The following COL25A1 variants were observed in gnomAD, a reference collection of about 807,000 sequenced individuals.
The protein encoded by COL25A1 is collagen type XXV alpha 1 chain, also known as collagen alpha-1(XXV) chain.
COL25A1 carries 103 observed loss-of-function variants against 128.4 expected under a neutral mutation model. That is an observed-to-expected ratio of 0.80 (90% CI 0.68 to 0.94). The LOEUF is 0.94. Among genes scored for constraint, COL25A1 ranks in the 40% least tolerant of loss-of-function variants. COL25A1 has a pLI of 0.00. For missense variants in COL25A1, 745 were observed against 840.0 expected (o/e 0.89, Z 1.40); for synonymous variants, 279 against 277.2 (o/e 1.01, Z -0.06).
intron 13 of COL25A1, 89 bp downstream of exon 13, chr4:108,918,083 G>A: frequency 1.4e-6 from 1 of 706,296 alleles, no homozygotes; most frequent in Non-Finnish European, 2.3e-6. Flanking sequence ...AAGCATATAA[G>A]CTTATTACTA....
intron 3 of COL25A1, among the ~76,000 whole-genome samples, chr4:109,079,019 T>A (rs776649758): frequency 1.3e-5 from 2 of 152,068 alleles, no homozygotes; most frequent in Non-Finnish European, 2.9e-5. Flanking sequence ...GCCTACAGAG[T>A]CTTGTGGTCA....
Position 109,048,510 on chromosome 4 carries a change from T to G in COL25A1, c.413-335A>C, listed in dbSNP as rs991949174. ...AAGTATGAATTATGAGAATATTTGGTAATTTATGATAGACCAGTTATAGAG... is the reference window on the plus strand; with the variant it reads ...AAGTATGAATTATGAGAATATTTGGGAATTTATGATAGACCAGTTATAGAG... On this transcript the variant is annotated intron_variant, in intron 4 of 37. Transcript: ENST00000399132. Among the ~76,000 whole-genome samples the G allele has an allele frequency of 5.3e-5, 8 of 152,312 alleles. No homozygotes were observed. In the East Asian group the frequency reaches 1.3e-3, roughly 26 times the overall value.
chr4:108,817,184 T>C (rs1731325463), intron 37 of COL25A1, among the ~76,000 whole-genome samples: 1 of 152,156 alleles, frequency 6.6e-6, no homozygotes, highest in African/African-American at 2.4e-5. Context: ...AAAGATTAGA[T>C]AGGGAAGGTT....
At chr4:109,093,049 G>C (rs950461781) in intron 3 of COL25A1, among the ~76,000 whole-genome samples, 4 of 151,722 alleles carry the variant, frequency 2.6e-5, no homozygotes, top group Non-Finnish European at 2.9e-5. Context: ...TATCCTCACT[G>C]GGAAAGGTTA....
intron 3 of COL25A1, among the ~76,000 whole-genome samples, chr4:109,138,009 T>TGTGTGTGTGTGTGTGTGTGTGC (rs1769973558): frequency 6.6e-6 from 1 of 151,938 alleles, no homozygotes; most frequent in African/African-American, 2.4e-5. Flanking sequence ...TGTGTGTGTG[T>TGTGTGTGTGTGTGTGTGTGTGC]GTGTGTTGGG....
intron 3 of COL25A1, among the ~76,000 whole-genome samples, chr4:109,150,071 ATGTG>A (rs1340291851): frequency 6.6e-6 from 1 of 150,764 alleles, no homozygotes; most frequent in Non-Finnish European, 1.5e-5. Flanking sequence ...TGCAGTGTGT[ATGTG>A]TGTTTGTATG....
At chr4:109,081,660 A>AC (rs749465028) in intron 3 of COL25A1, among the ~76,000 whole-genome samples, 18 of 148,622 alleles carry the variant, frequency 1.2e-4, no homozygotes, top group Non-Finnish European at 2.4e-4. Flanking sequence ...ACCCATCTCC[A>AC]CCCCCAACCC....
Position 108,861,156 on chromosome 4 carries a change from C to CT in COL25A1, c.1198-186dup, listed in dbSNP as rs374328564. On this transcript the variant is annotated intron_variant, in intron 22 of 37. Transcript: ENST00000399132. ...TGCAGCTTGAAAAGAACTAAAATTC[C>CT]TTTTTTTAAAAAACTCCCTTTTCAG... is the stretch of plus-strand genomic sequence containing the variant. Among the ~76,000 whole-genome samples the CT allele has an allele frequency of 5.3e-3, 807 of 152,184 alleles. 4 individuals carry two copies. The highest frequency in any genetic ancestry group is 0.018 in the African/African-American group (766 of 41,532).
At chr4:109,158,679 G>A (rs1191347093) in intron 3 of COL25A1, among the ~76,000 whole-genome samples, 1 of 152,212 alleles carries the variant, frequency 6.6e-6, no homozygotes, top group African/African-American at 2.4e-5. Context: ...AGAGAGCTAT[G>A]TACATGGTAC....
At chr4:108,818,569 A>T (rs766990066) in intron 36 of COL25A1, among the ~76,000 whole-genome samples, 8 of 152,198 alleles carry the variant, frequency 5.3e-5, no homozygotes, top group African/African-American at 1.9e-4. Flanking sequence ...AGATTTTAGT[A>T]TCAGGAGGAT....
In COL25A1 at chr4:108,832,462, A is replaced by G. The variant is rs776413247; in HGVS notation, c.1657-29T>C. On this transcript the variant is annotated intron_variant, in intron 31 of 37. Coordinates refer to ENST00000399132, the MANE Select transcript of COL25A1 (RefSeq NM_198721.4). ...AAAAAAAGATAATATGAGATATATC[A>G]CAAGGGCTGCAAGAATAGCAGTTAT... is the stretch of plus-strand genomic sequence containing the variant. The G allele has an allele frequency of 5.4e-6, 8 of 1,471,364 alleles. No homozygotes were observed. The East Asian group carries it at 1.8e-4, about 33-fold the overall frequency. The allele number at this position is 1,471,364 out of a possible 1,614,324, so 91.1% of individuals were successfully genotyped here.
chr4:108,913,918 G>A (rs900331053), intron 13 of COL25A1, among the ~76,000 whole-genome samples: 7 of 152,120 alleles, frequency 4.6e-5, no homozygotes, highest in African/African-American at 9.7e-5. Flanking sequence ...GTGCGTTTGC[G>A]TGCATGCACT....
chr4:108,903,171 G>A (rs916933282), intron 13 of COL25A1, among the ~76,000 whole-genome samples: 8 of 151,894 alleles, frequency 5.3e-5, no homozygotes, highest in Non-Finnish European at 1.2e-4. Flanking sequence ...CTTAATATAT[G>A]AACATTGAGG....
intron 3 of COL25A1, among the ~76,000 whole-genome samples, chr4:109,163,931 T>C (rs1253932270): frequency 1.3e-5 from 2 of 152,210 alleles, no homozygotes; most frequent in African/African-American, 2.4e-5. Context: ...GAATTGTAAA[T>C]TGCTTCAACA....
intron 5 of COL25A1, among the ~76,000 whole-genome samples, chr4:109,043,038 G>A (rs1760070414): frequency 6.6e-6 from 1 of 152,068 alleles, no homozygotes; most frequent in Non-Finnish European, 1.5e-5. Context: ...AAGAGGGACA[G>A]ACCTGGGTTT....
chr4:109,231,915 T>G (rs1330606234), intron 3 of COL25A1, among the ~76,000 whole-genome samples: 1 of 152,020 alleles, frequency 6.6e-6, no homozygotes. Context: ...ACTAAACAGC[T>G]TAAACTATAA....
chr4:108,821,962 C>T (rs1471991479), intron 35 of COL25A1, among the ~76,000 whole-genome samples: 1 of 150,422 alleles, frequency 6.6e-6, no homozygotes, highest in Non-Finnish European at 1.5e-5. Context: ...TTCTGAGGAT[C>T]AAGTTTCTAG....
intron 3 of COL25A1, among the ~76,000 whole-genome samples, chr4:109,114,150 A>C (rs996315021): frequency 6.6e-6 from 1 of 152,116 alleles, no homozygotes; most frequent in Non-Finnish European, 1.5e-5. Flanking sequence ...CTGTATAAGG[A>C]TAAACTCTGC....
chr4:109,190,158 C>T (rs1321333638), intron 3 of COL25A1, among the ~76,000 whole-genome samples: 1 of 151,746 alleles, frequency 6.6e-6, no homozygotes, highest in South Asian at 2.1e-4. Context: ...TGTTTGTAGA[C>T]CAAAGAATGC....
Sources: gnomAD v4.1 joint callset for allele counts (sites outside exome capture counted in the v4.1 genomes callset) on GRCh38, gnomAD v4.1.1 for gene constraint, MANE v1.5 for transcripts, NCBI Gene and HGNC (gene_info 2026-07-23, HGNC 2026-07-21) for gene names.